Variants in SNX33 observed in about 807,000 individuals in gnomAD.
SNX33 encodes the protein sorting nexin 33.
A neutral mutation model predicts 38.8 loss-of-function variants in SNX33; 19 were observed. The observed-to-expected ratio is 0.49, with a 90% CI of 0.34 to 0.72. SNX33 has a LOEUF of 0.72. Ranked by LOEUF, SNX33 falls within the 30% of genes least tolerant of loss-of-function variation. The pLI, the probability that SNX33 is intolerant of heterozygous loss-of-function variation, is 0.01. For synonymous variants in SNX33, 246 were observed against 289.7 expected (o/e 0.85, Z 1.53); for missense variants, 641 against 776.4 (o/e 0.83, Z 2.07).
At position 75,649,496 on chromosome 15, in the gene SNX33, G is replaced by T. The variant is rs1893543142; in HGVS notation, c.394G>T (p.Ala132Ser). 1.3e-6 allele frequency: 2 copies of T among 1,557,266 alleles called. No individual in the cohort carries two copies. The highest frequency in any genetic ancestry group is 1.7e-6 in the Non-Finnish European group (2 of 1,148,374). Residue 132 changes from alanine to serine, a missense_variant, in exon 1 of 2, where the codon GCT (alanine) becomes TCT (serine). By Grantham distance (99) the Ala-to-Ser change is moderately conservative (BLOSUM62 1). Transcript: ENST00000308527. The surrounding 1 kb of genome is among the most constrained non-coding windows in gnomAD (Gnocchi z 6.6). The stretch of plus-strand genomic sequence containing the variant: ...ATGCACAGTGGTGGAGGAGCCACGG[G>T]CTGGTGGGCTGGGCACCAACGGGCA... ...DGCTVVEEPR[A>S]GGLGTNGHPP... is the part of the protein sequence containing the mutation.
At chr15:75,652,505 C>G (rs1893598089) in intron 1 of SNX33, among the ~76,000 whole-genome samples, 1 of 152,310 alleles carries the variant, frequency 6.6e-6, no homozygotes, top group East Asian at 1.9e-4. Flanking sequence ...AGCCCCACAC[C>G]TAGGAAGGAC....
intron 1 of SNX33, among the ~76,000 whole-genome samples, chr15:75,652,802 G>C (rs778807867): frequency 3.9e-5 from 6 of 152,200 alleles, no homozygotes; most frequent in Non-Finnish European, 5.9e-5. Context: ...TAGGGAGGGG[G>C]TACTGAGACA....
rs761493110 is a variant in SNX33, at chr15:75,650,114, G to A, written c.1012G>A (p.Asp338Asn). The A allele has an allele frequency of 6.2e-6, 10 of 1,614,144 alleles. No homozygotes were observed. The South Asian group carries it at 8.8e-5, about 14-fold the overall frequency. ...CCAGCATTTCCTCAGCTGCCTGGAT[G>A]ACAAGCAGTGGAAGATGGGCAAACG... is the stretch of plus-strand genomic sequence containing the variant. ...GFQHFLSCLD[D>N]KQWKMGKRRA... The change falls in exon 1 of 2, where the codon GAC becomes AAC. Residue 338 changes from aspartate (D) to asparagine (N), a missense_variant. Around this residue, in one of 2 missense-constraint regions of SNX33, gnomAD observed 398 missense variants for 542.5 expected, o/e 0.73. Transcript: ENST00000308527. This position sits in a 1 kb window ranked among gnomAD's most constrained non-coding sequence, Gnocchi z 6.1.
chr15:75,652,010 T>TG (rs960270392), intron 1 of SNX33, among the ~76,000 whole-genome samples: 2 of 151,128 alleles, frequency 1.3e-5, no homozygotes, highest in Non-Finnish European at 3.0e-5. Flanking sequence ...CTTTCTGTTT[T>TG]TTTTTTTTTT....
At position 75,649,278 on chromosome 15, in the gene SNX33, T is replaced by C. The variant is rs753499893; in HGVS notation, c.176T>C (p.Val59Ala). 1.2e-6 allele frequency: 2 copies of C among 1,613,170 alleles called. No individual in the cohort carries two copies. Among genetic ancestry groups the C allele is most frequent in the African/African-American group, 1.3e-5 (1 of 74,988 alleles). The change falls in exon 1 of 2, where the codon GTC (valine) becomes GCC (alanine). Residue 59 changes from valine (V) to alanine (A), a missense_variant. Transcript: ENST00000308527. The surrounding 1 kb of genome is among the most constrained non-coding windows in gnomAD (Gnocchi z 6.6). Reference sequence around the variant, plus strand: ...TTTCCTGCCTCTTATGTGGAGATCGTCCGTTCTGGCATCAGCACCAACCAT... The same window carrying C: ...TTTCCTGCCTCTTATGTGGAGATCGCCCGTTCTGGCATCAGCACCAACCAT... ...GLFPASYVEI[V>A]RSGISTNHAD...
rs1893709539 is a variant in SNX33, at chr15:75,660,432, T to G, written c.*3217T>G. ...ACCCCTCCCAGATGACAGAGCCATA[T>G]GTCTTCCACGTGTCTACACACTCAC... On this transcript the variant is annotated 3_prime_UTR_variant, in exon 2 of 2. Transcript: ENST00000308527. 1 of 152,436 alleles carries G rather than the reference T, an allele frequency of 6.6e-6. No homozygotes were observed. The highest frequency in any genetic ancestry group is 1.5e-5 in the Non-Finnish European group (1 of 68,082). The allele number at this position is 152,436 out of a possible 1,614,324, so 9.4% of individuals were successfully genotyped here.
In SNX33 at chr15:75,650,083, A is replaced by C; in HGVS notation, c.981A>C (p.Glu327Asp). The C allele has an allele frequency of 6.2e-7, 1 of 1,614,090 alleles. No individual in the cohort carries two copies. Among genetic ancestry groups the C allele is most frequent in the Non-Finnish European group, 8.5e-7 (1 of 1,179,994 alleles). Residue 327 changes from glutamate (E) to aspartate (D), a missense_variant, in exon 1 of 2, where the codon GAA (glutamate) becomes GAC (aspartate). Coordinates refer to ENST00000308527, the MANE Select transcript of SNX33 (RefSeq NM_153271.2). The surrounding 1 kb of genome is among the most constrained non-coding windows in gnomAD (Gnocchi z 6.1). ...MTSHPVLSQY[E>D]GFQHFLSCLD... ...GCCACCCTGTGCTCTCCCAGTACGA[A>C]GGCTTCCAGCATTTCCTCAGCTGCC...
intron 1 of SNX33, among the ~76,000 whole-genome samples, chr15:75,652,672 A>G (rs1485899038): frequency 2.6e-5 from 4 of 152,176 alleles, no homozygotes; most frequent in African/African-American, 9.7e-5. Flanking sequence ...CCTGAAACAG[A>G]GGCCAGCCCA....
chr15:75,648,485 C>T lies in SNX33; in HGVS notation c.-618C>T. The T allele has an allele frequency of 4.1e-6, 4 of 985,468 alleles. No individual in the cohort carries two copies. Among genetic ancestry groups the T allele is most frequent in the Non-Finnish European group, 4.8e-6 (4 of 829,960 alleles). The allele number at this position is 985,468 out of a possible 1,614,324, so 61.0% of individuals were successfully genotyped here. ...GACACATCCACCCTTGGACTCGATT[C>T]AGGCGGCTGCTGCTTTTCTCCTTGC... On this transcript the variant is annotated 5_prime_UTR_variant, in exon 1 of 2. Transcript: ENST00000308527. The surrounding 1 kb of genome is among the most constrained non-coding windows in gnomAD (Gnocchi z 4.4).
rs1389810174 is a variant in SNX33, at chr15:75,658,216, C to T, written c.*1001C>T. 6.6e-6 allele frequency: 1 copy of T among 152,628 alleles called. No homozygotes were observed. The highest frequency in any genetic ancestry group is 1.9e-4 in the East Asian group (1 of 5,194). The allele number at this position is 152,628 out of a possible 1,614,324, so 9.5% of individuals were successfully genotyped here. On this transcript the variant is annotated 3_prime_UTR_variant, in exon 2 of 2. Transcript: ENST00000308527. The surrounding 1 kb of genome is among the most constrained non-coding windows in gnomAD (Gnocchi z 4.1). ...AAAAGTGACTGTATATTTGAGTTCA[C>T]CAGCAATAACTCCCCACACTCGAAG... is the stretch of plus-strand genomic sequence containing the variant.
chr15:75,656,525 G>A (rs961266546), intron 1 of SNX33, among the ~76,000 whole-genome samples: 1 of 152,188 alleles, frequency 6.6e-6, no homozygotes, highest in Non-Finnish European at 1.5e-5. Flanking sequence ...TCAGAGGCTG[G>A]GGCGGAGGGC....
rs774012159 is a variant in SNX33, at chr15:75,650,200, C to T, written c.1098C>T (p.Thr366=). 4.8e-5 allele frequency: 76 copies of T among 1,598,406 alleles called. No individual in the cohort carries two copies. The highest frequency in any genetic ancestry group is 6.7e-5 in the African/African-American group (5 of 74,434). Residue 366 remains threonine, a synonymous_variant, in exon 1 of 2, where the codon ACC becomes ACT. Coordinates refer to ENST00000308527, the MANE Select transcript of SNX33 (RefSeq NM_153271.2). This position sits in a 1 kb window ranked among gnomAD's most constrained non-coding sequence, Gnocchi z 6.1. ...ASFLLTFQIP[T]EHQDLQDVED... is the part of the protein sequence containing the mutation. The stretch of plus-strand genomic sequence containing the variant: ...TCCTGCTCACCTTCCAGATCCCCAC[C>T]GAGCACCAGGACTTGCAGGACGTGG...
rs1303066268 is a variant in SNX33 at position 75,648,243 on chromosome 15, G to C, written c.-860G>C. On this transcript the variant is annotated 5_prime_UTR_variant, in exon 1 of 2. Coordinates refer to ENST00000308527, the MANE Select transcript of SNX33 (RefSeq NM_153271.2). The surrounding 1 kb of genome is among the most constrained non-coding windows in gnomAD (Gnocchi z 4.4). ...AGGCTCAGAAACTGCTGAGGAATTA[G>C]GCAAACAAAAGAGACCACTCAGCGA... 1.0e-6 allele frequency: 1 copy of C among 985,312 alleles called. No homozygotes were observed. The highest frequency in any genetic ancestry group is 1.2e-6 in the Non-Finnish European group (1 of 829,974). 61.0% of individuals were successfully genotyped at this position (985,312 alleles called of 1,614,324 possible).
In SNX33 at chr15:75,649,677, C is replaced by T; in HGVS notation, c.575C>T (p.Ser192Phe). The change falls in exon 1 of 2, where the codon TCT (serine) becomes TTT (phenylalanine). Residue 192 changes from serine to phenylalanine, a missense_variant. Around this residue, in one of 2 missense-constraint regions of SNX33, gnomAD observed 398 missense variants for 542.5 expected, o/e 0.73. Transcript: ENST00000308527. The surrounding 1 kb of genome is among the most constrained non-coding windows in gnomAD (Gnocchi z 6.6). ...NLNRFSCFVR[S>F]GVEAFILGDV... ...AACCGTTTCTCATGCTTTGTGCGTT[C>T]TGGAGTGGAGGCCTTCATCCTGGGT... 6.3e-6 allele frequency: 10 copies of T among 1,582,442 alleles called. No homozygotes were observed. Among genetic ancestry groups the T allele is most frequent in the Non-Finnish European group, 8.6e-6 (10 of 1,160,952 alleles).
In SNX33 at chr15:75,650,240, A is replaced by C; in HGVS notation, c.1138A>C (p.Thr380Pro). Residue 380 changes from threonine (T) to proline (P), a missense_variant, in exon 1 of 2, where the codon ACT (threonine) becomes CCT (proline). Thr to Pro is a conservative substitution (Grantham distance 38). This residue lies in a region of SNX33 where 398 missense variants were observed against 542.5 expected (regional missense o/e 0.73). Transcript: ENST00000308527. This position sits in a 1 kb window ranked among gnomAD's most constrained non-coding sequence, Gnocchi z 6.1. ...GCAGGACGTGGAAGATCGCGTGGAC[A>C]CTTTCAAGGCCTTCAGTAAGAAGAT... ...DLQDVEDRVD[T>P]FKAFSKKMDD... is the part of the protein sequence containing the mutation. 6.3e-7 allele frequency: 1 copy of C among 1,586,930 alleles called. No homozygotes were observed. Among genetic ancestry groups the C allele is most frequent in the Non-Finnish European group, 8.6e-7 (1 of 1,164,842 alleles).
rs1315910727 is a variant in SNX33 at position 75,648,308 on chromosome 15, C to T, written c.-795C>T. The T allele has an allele frequency of 1.0e-6, 1 of 985,298 alleles. No individual in the cohort carries two copies. 61.0% of individuals were successfully genotyped at this position (985,298 alleles called of 1,614,324 possible). On this transcript the variant is annotated 5_prime_UTR_variant, in exon 1 of 2. Coordinates refer to ENST00000308527, the MANE Select transcript of SNX33 (RefSeq NM_153271.2). This position sits in a 1 kb window ranked among gnomAD's most constrained non-coding sequence, Gnocchi z 4.4. The stretch of plus-strand genomic sequence containing the variant: ...CCCGACAGCCTCGTCGCGCCCCCTC[C>T]TTCCTCCGGGGTTGGGGCTGGCCAC...
rs1341858283 is a variant in SNX33 at position 75,650,231 on chromosome 15, C to G, written c.1129C>G (p.Arg377Gly). The change falls in exon 1 of 2, where the codon CGC becomes GGC. Residue 377 changes from arginine (R) to glycine (G), a missense_variant. Physicochemically the swap from Arg to Gly is moderately radical, Grantham distance 125 (BLOSUM62 -2). Transcript: ENST00000308527. The surrounding 1 kb of genome is among the most constrained non-coding windows in gnomAD (Gnocchi z 6.1). ...EHQDLQDVED[R>G]VDTFKAFSKK... ...CCAGGACTTGCAGGACGTGGAAGAT[C>G]GCGTGGACACTTTCAAGGCCTTCAG... 1.3e-6 allele frequency: 2 copies of G among 1,588,368 alleles called. No individual in the cohort carries two copies. Among genetic ancestry groups the G allele is most frequent in the Admixed American group, 1.7e-5 (1 of 57,412 alleles).
Position 75,650,527 on chromosome 15 carries a change from C to G in SNX33, c.1425C>G (p.Tyr475Ter). 1.2e-6 allele frequency: 2 copies of G among 1,611,064 alleles called. No homozygotes were observed. Among genetic ancestry groups the G allele is most frequent in the Non-Finnish European group, 1.7e-6 (2 of 1,178,800 alleles). Residue 475 changes from tyrosine to a stop codon, truncating the protein, a stop_gained, in exon 1 of 2, where the codon TAC (tyrosine) becomes TAG (stop). Transcript: ENST00000308527. LOFTEE classifies it high-confidence loss of function. The surrounding 1 kb of genome is among the most constrained non-coding windows in gnomAD (Gnocchi z 6.1). ...AGATGCTGGACACACTGTCTCTCTA[C>G]CAGGGCCTGCTCTCCAACTTCCCTG... ...LFQMLDTLSL[Y>*]QGLLSNFPDI...
intron 1 of SNX33, among the ~76,000 whole-genome samples, chr15:75,653,449 C>CA (rs757908133): frequency 6.6e-6 from 1 of 152,216 alleles, no homozygotes; most frequent in Non-Finnish European, 1.5e-5. Context: ...TCCTAAGGCT[C>CA]ACGACAGGTC....
Sources: allele counts gnomAD v4.1 joint callset (sites outside exome capture counted in the v4.1 genomes callset), GRCh38; gene constraint gnomAD v4.1.1; regional missense constraint gnomAD v4.1.1; non-coding constraint Gnocchi (gnomAD v3.1); transcripts MANE v1.5; gene names NCBI Gene and HGNC (gene_info 2026-07-23, HGNC 2026-07-21).